Variants in TET3 observed in about 807,000 individuals in gnomAD.
The protein encoded by TET3 is tet methylcytosine dioxygenase 3, also known as methylcytosine dioxygenase TET3.
In TET3, 19 loss-of-function variants were observed where a neutral mutation model predicts 141.4. The observed-to-expected ratio is 0.13, with a 90% CI of 0.09 to 0.20. TET3 has a LOEUF of 0.20. Among genes scored for constraint, TET3 ranks in the 10% least tolerant of loss-of-function variants. The pLI, the probability that TET3 is intolerant of heterozygous loss-of-function variation, is 1.00. For synonymous variants in TET3, 1,043 were observed against 980.9 expected (o/e 1.06, Z -1.18); for missense variants, 1,874 against 2,356.9 (o/e 0.80, Z 4.24).
chr2:74,066,332 A>G (rs549315128), intron 4 of TET3, among the ~76,000 whole-genome samples: 2 of 152,348 alleles, frequency 1.3e-5, no homozygotes, highest in South Asian at 4.1e-4. Flanking sequence ...TATTCAATAT[A>G]TAAAATGAAA....
chr2:74,131,026 G>T, the TET3 span: 1 of 152,114 alleles, frequency 6.6e-6, no homozygotes, highest in Non-Finnish European at 1.5e-5. Context: ...AGGCCTAGGG[G>T]GCTGGTAGGG....
At chr2:74,062,901 T>TTTTG (rs1688673952) in intron 4 of TET3, among the ~76,000 whole-genome samples, 2 of 147,000 alleles carry the variant, frequency 1.4e-5, no homozygotes, top group African/African-American at 5.2e-5. Context: ...TTTTTTTTTT[T>TTTTG]GAGACAGAGT....
At chr2:73,984,817 CGGGCCGGCG>C (rs1683913460), upstream of TET3, among the ~76,000 whole-genome samples, 1 of 146,854 alleles carries the variant, frequency 6.8e-6, no homozygotes, top group Admixed American at 6.7e-5. This position sits in a 1 kb window ranked among gnomAD's most constrained non-coding sequence, Gnocchi z 5.6. Context: ...GGGGCCCGGC[CGGGCCGGCG>C]GGGCTCGGCG....
chr2:74,101,672 T>A lies in TET3; in HGVS notation c.4884T>A (p.Gly1628=). 1 of 1,613,314 alleles carries A rather than the reference T, an allele frequency of 6.2e-7. No individual in the cohort carries two copies. Among genetic ancestry groups the A allele is most frequent in the Non-Finnish European group, 8.5e-7 (1 of 1,179,768 alleles). ...SKGAVKEEKG[G]GGAEEEEEEL... The stretch of plus-strand genomic sequence containing the variant: ...GAGCGGTGAAGGAGGAGAAGGGCGG[T>A]GGTGGTGCGGAGGAGGAAGAGGAGG... The change falls in exon 12 of 12, where the codon GGT becomes GGA. Residue 1628 remains glycine, a synonymous_variant. Transcript: ENST00000409262. The surrounding 1 kb of genome is among the most constrained non-coding windows in gnomAD (Gnocchi z 8.5).
At chr2:74,015,914 A>G (rs1053026608) in intron 3 of TET3, among the ~76,000 whole-genome samples, 1 of 152,136 alleles carries the variant, frequency 6.6e-6, no homozygotes, top group African/African-American at 2.4e-5. Flanking sequence ...AAAATTGAGA[A>G]TGTTTTAAAA....
Position 74,047,953 on chromosome 2 carries a change from C to T in TET3, c.2036C>T (p.Pro679Leu). 1 of 1,613,402 alleles carries T rather than the reference C, an allele frequency of 6.2e-7. No individual in the cohort carries two copies. Among genetic ancestry groups the T allele is most frequent in the South Asian group, 1.1e-5 (1 of 91,050 alleles). ...CCCTCCAGGGACAGCCTGCTGCCCC[C>T]TACTCAGGAAATGAGGTCCCCCAGC... ...PSPSRDSLLP[P>L]TQEMRSPSPM... The change falls in exon 4 of 12, where the codon CCT becomes CTT. Residue 679 changes from proline to leucine, a missense_variant. Pro to Leu is a moderately conservative substitution (Grantham distance 98). Coordinates refer to ENST00000409262, the MANE Select transcript of TET3 (RefSeq NM_001287491.2).
the TET3 span, among the ~76,000 whole-genome samples, chr2:74,119,139 G>T: frequency 6.6e-6 from 1 of 152,102 alleles, no homozygotes; most frequent in Non-Finnish European, 1.5e-5. Context: ...GATCACTTGA[G>T]GTCAGGAGTT....
intron 4 of TET3, among the ~76,000 whole-genome samples, chr2:74,055,464 T>TC (rs766841440): frequency 8.4e-4 from 128 of 152,314 alleles, no homozygotes; most frequent in Admixed American, 1.2e-3. Flanking sequence ...GCACACCTGA[T>TC]CCAGAGTAAA....
At chr2:73,999,024 C>G (rs1394984721) in intron 2 of TET3, among the ~76,000 whole-genome samples, 2 of 152,106 alleles carry the variant, frequency 1.3e-5, no homozygotes, top group African/African-American at 4.8e-5. Flanking sequence ...CGTTGGTTGG[C>G]AGAAGACTGG....
At chr2:74,076,279 G>A (rs1689499966) in intron 5 of TET3, among the ~76,000 whole-genome samples, 1 of 151,786 alleles carries the variant, frequency 6.6e-6, no homozygotes. Context: ...CTTAGCAACT[G>A]GTTTATTTTT....
rs1691218224 is a variant in TET3 at position 74,101,567 on chromosome 2, T to C, written c.4779T>C (p.Phe1593=). 1.2e-6 allele frequency: 2 copies of C among 1,608,900 alleles called. No homozygotes were observed. The highest frequency in any genetic ancestry group is 1.3e-5 in the African/African-American group (1 of 74,766). ...GLPLGSSEKL[F]GALKSEEKLW... is the part of the protein sequence containing the mutation. The stretch of plus-strand genomic sequence containing the variant: ...CCCTGGGATCCAGCGAGAAGCTGTT[T>C]GGGGCTCTGAAGTCAGAGGAGAAGC... Residue 1593 remains phenylalanine, a synonymous_variant, in exon 12 of 12, where the codon TTT becomes TTC. Coordinates refer to ENST00000409262, the MANE Select transcript of TET3 (RefSeq NM_001287491.2). The surrounding 1 kb of genome is among the most constrained non-coding windows in gnomAD (Gnocchi z 8.5).
chr2:74,061,176 G>T (rs1189992305), intron 4 of TET3, among the ~76,000 whole-genome samples: 1 of 148,428 alleles, frequency 6.7e-6, no homozygotes, highest in East Asian at 2.1e-4. Context: ...CGGACGGGGC[G>T]GCCGGCCGGG....
chr2:74,012,211 C>T (rs766832134), intron 3 of TET3, among the ~76,000 whole-genome samples: 3 of 152,194 alleles, frequency 2.0e-5, no homozygotes, highest in Non-Finnish European at 4.4e-5. Context: ...TCCCACCCCT[C>T]CTTGGCCTCC....
intron 3 of TET3, among the ~76,000 whole-genome samples, chr2:74,018,741 T>C (rs2105230483): frequency 7.3e-6 from 1 of 137,328 alleles, no homozygotes; most frequent in East Asian, 2.0e-4. Flanking sequence ...AACATACTTC[T>C]TACTTTTTTT....
intron 4 of TET3, among the ~76,000 whole-genome samples, chr2:74,055,848 T>G (rs1181146302): frequency 6.6e-6 from 1 of 152,180 alleles, no homozygotes; most frequent in East Asian, 1.9e-4. Context: ...AGACCTGAGC[T>G]GGCACACCCA....
At chr2:73,983,859 C>T (rs1259834526), upstream of TET3, among the ~76,000 whole-genome samples, 1 of 152,228 alleles carries the variant, frequency 6.6e-6, no homozygotes, top group African/African-American at 2.4e-5. Context: ...CCACCCTGCT[C>T]CCCTGCAACC....
chr2:74,010,494 G>A (rs1265626197), intron 3 of TET3, among the ~76,000 whole-genome samples: 1 of 152,216 alleles, frequency 6.6e-6, no homozygotes, highest in African/African-American at 2.4e-5. Flanking sequence ...TGGTCCCTCT[G>A]GTTCAACGAG....
At chr2:74,134,098 T>C in the TET3 span, among the ~76,000 whole-genome samples, 3 of 152,162 alleles carry the variant, frequency 2.0e-5, no homozygotes, top group South Asian at 6.2e-4. Flanking sequence ...GAAAGACAAA[T>C]AGGTTCCACG....
intron 3 of TET3, among the ~76,000 whole-genome samples, chr2:74,045,839 C>A (rs1000846937): frequency 6.6e-6 from 1 of 152,230 alleles, no homozygotes; most frequent in African/African-American, 2.4e-5. Context: ...CCCCTACGAA[C>A]CCACACTTCA....
Sources: allele counts gnomAD v4.1 joint callset (sites outside exome capture counted in the v4.1 genomes callset), GRCh38; gene constraint gnomAD v4.1.1; non-coding constraint Gnocchi (gnomAD v3.1); transcripts MANE v1.5; gene names NCBI Gene and HGNC (gene_info 2026-07-23, HGNC 2026-07-21).